LARP4: variants seen among roughly 807,000 people sequenced by gnomAD.
The protein encoded by LARP4 is la-related protein 4.
In LARP4, 29 loss-of-function variants were observed where a neutral mutation model predicts 92.9. The ratio of observed to expected loss-of-function variants is 0.31; its 90% CI spans 0.23 to 0.43. LARP4 has a LOEUF of 0.43. Ranked by LOEUF, LARP4 falls within the 20% of genes least tolerant of loss-of-function variation. The probability of loss-of-function intolerance (pLI) is 1.00; values close to 1 mark genes in which losing one functional copy is unlikely to be tolerated. For synonymous variants in LARP4, 279 were observed against 284.1 expected (o/e 0.98, Z 0.18); for missense variants, 732 against 860.0 (o/e 0.85, Z 1.86).
intron 1 of LARP4, among the ~76,000 whole-genome samples, chr12:50,412,828 C>T (rs983240462): frequency 6.6e-6 from 1 of 152,182 alleles, no homozygotes; most frequent in Non-Finnish European, 1.5e-5. Context: ...CAGTTTACAT[C>T]GTTTAGTAGA....
intron 13 of LARP4, 73 bp from the exon 14 acceptor site, chr12:50,473,342 G>GTGCT: frequency 9.0e-7 from 1 of 1,117,008 alleles, no homozygotes. Context: ...ATCTTCTCTT[G>GTGCT]TGCTTATTAG....
In LARP4 at chr12:50,427,759, T is replaced by C; in HGVS notation, c.19-3T>C. Reference sequence around the variant, plus strand: ...TTTACAAATAGATCCTTCGATTATTTAGCAGGTAGCATCTAAAGGAACTGG... The same window carrying C: ...TTTACAAATAGATCCTTCGATTATTCAGCAGGTAGCATCTAAAGGAACTGG... On this transcript the variant is annotated splice_polypyrimidine_tract_variant and splice_region_variant and intron_variant, in intron 1 of 15. Transcript: ENST00000398473. 1 of 1,513,106 alleles carries C rather than the reference T, an allele frequency of 6.6e-7. No homozygotes were observed. The highest frequency in any genetic ancestry group is 1.4e-5 in the South Asian group (1 of 73,150). 93.7% of individuals were successfully genotyped at this position (1,513,106 alleles called of 1,614,324 possible).
At chr12:50,445,599 G>A (rs143518203) in intron 8 of LARP4, among the ~76,000 whole-genome samples, 2 of 151,970 alleles carry the variant, frequency 1.3e-5, no homozygotes, top group East Asian at 3.9e-4. Flanking sequence ...CTGAGATTCT[G>A]TTCATTTTTC....
chr12:50,453,313 G>A (rs1953614561), intron 8 of LARP4, 147 bp from the exon 9 acceptor site: 1 of 523,742 alleles, frequency 1.9e-6, no homozygotes, highest in Non-Finnish European at 3.4e-6. Context: ...ATTAATTAAA[G>A]CTGTCATTTT....
At chr12:50,462,704 C>T in intron 12 of LARP4, 74 bp downstream of exon 12, 3 of 1,010,654 alleles carry the variant, frequency 3.0e-6, no homozygotes, top group Non-Finnish European at 4.5e-6. Context: ...TTCGGTCTTT[C>T]CTTTCTGGGT....
chr12:50,401,823 G>A (rs1312041578), intron 1 of LARP4, among the ~76,000 whole-genome samples: 1 of 152,200 alleles, frequency 6.6e-6, no homozygotes, highest in Non-Finnish European at 1.5e-5. Context: ...TAGAACGTCT[G>A]CTGTTGGCCT....
chr12:50,411,627 C>G (rs1945915117), intron 1 of LARP4, among the ~76,000 whole-genome samples: 1 of 151,908 alleles, frequency 6.6e-6, no homozygotes, highest in Non-Finnish European at 1.5e-5. Flanking sequence ...CTGAGCCCAG[C>G]CTAGGGACCC....
At chr12:50,421,499 G>A (rs541443861) in intron 1 of LARP4, among the ~76,000 whole-genome samples, 5 of 151,742 alleles carry the variant, frequency 3.3e-5, no homozygotes, top group South Asian at 2.1e-4. Context: ...AAAATTAGCC[G>A]GGCATGGTGG....
Position 50,475,954 on chromosome 12 carries a change from C to A in LARP4, c.*90C>A. On this transcript the variant is annotated 3_prime_UTR_variant, in exon 16 of 16. Transcript: ENST00000398473. ...AACTGTTTTGGAGGGGAGGGGGTAG[C>A]CAGGAAGGAAACAAGAGAAAGTACG... The A allele has an allele frequency of 2.8e-6, 3 of 1,084,812 alleles. No homozygotes were observed. Among genetic ancestry groups the A allele is most frequent in the South Asian group, 1.7e-5 (1 of 59,904 alleles). 67.2% of individuals were successfully genotyped at this position (1,084,812 alleles called of 1,614,324 possible). A position where few individuals can be genotyped will look rare whatever the true frequency, so the allele number is the denominator to read the frequency against.
rs371971796 is a variant in LARP4, at chr12:50,415,202, C to T, written c.19-12560C>T. ...CTGGGCAACAGAGCAGGAGATCTGT[C>T]TCAAAAAAATAAATGAATGAATAAA... On this transcript the variant is annotated intron_variant, in intron 1 of 15. Transcript: ENST00000398473. 5.7e-4 allele frequency among the ~76,000 whole-genome samples: 87 copies of T among 152,070 alleles called. No individual in the cohort carries two copies. The South Asian group carries it at 0.017, about 30-fold the overall frequency.
chr12:50,466,272 G>T lies in LARP4; in HGVS notation c.1384-687G>T, dbSNP rs1956138181. On this transcript the variant is annotated intron_variant, in intron 12 of 15. Transcript: ENST00000398473. Reference sequence around the variant, plus strand: ...GGGAAGCATGAGATTTTTCATATATGTTATATAGAGGAGGGATATTGTTTT... The same window carrying T: ...GGGAAGCATGAGATTTTTCATATATTTTATATAGAGGAGGGATATTGTTTT... 2.0e-5 allele frequency among the ~76,000 whole-genome samples: 3 copies of T among 152,042 alleles called. No homozygotes were observed. The South Asian group carries it at 6.2e-4, about 32-fold the overall frequency.
chr12:50,446,998 G>A (rs1174369137), intron 8 of LARP4, among the ~76,000 whole-genome samples: 1 of 152,148 alleles, frequency 6.6e-6, no homozygotes, highest in African/African-American at 2.4e-5. Flanking sequence ...CATTGCAGTG[G>A]TAATTTTATG....
chr12:50,468,862 T>C (rs1356089292), intron 13 of LARP4, among the ~76,000 whole-genome samples: 1 of 152,074 alleles, frequency 6.6e-6, no homozygotes, highest in East Asian at 1.9e-4. Context: ...ATTACAGATA[T>C]TTTTCAGGGC....
At chr12:50,418,317 T>TA (rs1592854465) in intron 1 of LARP4, among the ~76,000 whole-genome samples, 2 of 152,214 alleles carry the variant, frequency 1.3e-5, no homozygotes, top group Admixed American at 1.3e-4. Flanking sequence ...GTTATGTTCT[T>TA]AAAAATAGAG....
chr12:50,432,337 T>C (rs1345734487), intron 4 of LARP4, among the ~76,000 whole-genome samples: 1 of 152,170 alleles, frequency 6.6e-6, no homozygotes, highest in African/African-American at 2.4e-5. Context: ...GTTGATTGCT[T>C]CAATCCAATC....
At chr12:50,439,324 T>C (rs1419881585) in intron 6 of LARP4, among the ~76,000 whole-genome samples, 1 of 152,210 alleles carries the variant, frequency 6.6e-6, no homozygotes, top group African/African-American at 2.4e-5. Flanking sequence ...TAAAACAAGG[T>C]ACCAAATGTT....
intron 12 of LARP4, among the ~76,000 whole-genome samples, chr12:50,464,281 T>TA: frequency 6.6e-6 from 1 of 152,358 alleles, no homozygotes; most frequent in African/African-American, 2.4e-5. Context: ...TTGGGAAACT[T>TA]ACAATCATGG....
intron 13 of LARP4, 46 bp from the exon 14 acceptor site, chr12:50,473,369 T>C (rs1957146273): frequency 6.8e-7 from 1 of 1,465,522 alleles, no homozygotes; most frequent in South Asian, 1.2e-5. Context: ...ATATCTTCTT[T>C]GGAAAAAGGT....
chr12:50,423,938 T>C (rs1247215644), intron 1 of LARP4, among the ~76,000 whole-genome samples: 1 of 152,044 alleles, frequency 6.6e-6, no homozygotes, highest in Non-Finnish European at 1.5e-5. Context: ...TATTGTTTAG[T>C]AGAGACAGGG....
Sources: allele counts gnomAD v4.1 joint callset (sites outside exome capture counted in the v4.1 genomes callset), GRCh38; gene constraint gnomAD v4.1.1; transcripts MANE v1.5; gene names NCBI Gene and HGNC (gene_info 2026-07-23, HGNC 2026-07-21).